Variants in LRTM3 observed in about 807,000 individuals in gnomAD.
The protein encoded by LRTM3 is leucine rich repeat transmembrane protein 3.
chr13:102,753,941 T>G, the LRTM3 span, among the ~76,000 whole-genome samples: 2 of 152,096 alleles, frequency 1.3e-5, no homozygotes, highest in African/African-American at 4.8e-5. Context: ...CTGGGCGGGG[T>G]GGCTCACGCC....
the LRTM3 span, chr13:102,729,636 G>A: frequency 1.9e-6 from 3 of 1,549,696 alleles, no homozygotes; most frequent in South Asian, 3.6e-5. Context: ...GAGTCTGCCG[G>A]TACACAGGCA....
the LRTM3 span, chr13:102,730,091 G>C: frequency 6.4e-7 from 1 of 1,550,762 alleles, no homozygotes; most frequent in Non-Finnish European, 8.7e-7. Context: ...TTTGGAAGAT[G>C]ATCTATATTT....
At chr13:102,745,246 T>C in the LRTM3 span, 1 of 1,550,918 alleles carries the variant, frequency 6.4e-7, no homozygotes, top group Non-Finnish European at 8.7e-7. Flanking sequence ...CCTGTTTCCT[T>C]TCTTCTTGCT....
the LRTM3 span, chr13:102,738,793 A>T: frequency 6.5e-7 from 1 of 1,550,312 alleles, no homozygotes; most frequent in Non-Finnish European, 8.7e-7. Flanking sequence ...GTTTGCTCCA[A>T]ATCTCAACTT....
At chr13:102,745,730 G>T in the LRTM3 span, 7 of 1,551,116 alleles carry the variant, frequency 4.5e-6, no homozygotes, top group Non-Finnish European at 6.1e-6. Context: ...AGAATCAGAT[G>T]AGATACCACC....
chr13:102,747,725 C>T, the LRTM3 span: 18 of 1,551,132 alleles, frequency 1.2e-5, no homozygotes, highest in African/African-American at 1.2e-4. Context: ...GTCTGTAGGT[C>T]TATCTGTGCT....
At chr13:102,753,496 A>T in the LRTM3 span, among the ~76,000 whole-genome samples, 45 of 33,512 alleles carry the variant, frequency 1.3e-3, no homozygotes, top group African/African-American at 1.9e-3. Flanking sequence ...AGTAAAATTA[A>T]AAAAAAAAAA....
At chr13:102,733,090 A>C in the LRTM3 span, 3 of 1,551,388 alleles carry the variant, frequency 1.9e-6, no homozygotes, top group Non-Finnish European at 2.6e-6. Context: ...TCTTGTCCAC[A>C]TCTGTTTCCG....
chr13:102,754,080 C>T, the LRTM3 span, among the ~76,000 whole-genome samples: 1 of 151,950 alleles, frequency 6.6e-6, no homozygotes, highest in East Asian at 1.9e-4. Flanking sequence ...GTGGCATGCA[C>T]CTGTAGACCC....
At chr13:102,733,005 C>G in the LRTM3 span, 11 of 1,551,306 alleles carry the variant, frequency 7.1e-6, no homozygotes, top group Admixed American at 1.6e-4. Context: ...TTCCTTCCCC[C>G]TTTTGCAGGG....
chr13:102,736,487 G>GT, the LRTM3 span: 1 of 1,551,100 alleles, frequency 6.4e-7, no homozygotes, highest in Non-Finnish European at 8.7e-7. Flanking sequence ...TGTAGGTGCT[G>GT]TTTGCCTTGA....
At chr13:102,730,530 G>A in the LRTM3 span, 1 of 1,551,492 alleles carries the variant, frequency 6.4e-7, no homozygotes, top group Non-Finnish European at 8.7e-7. Context: ...GGAGTCACAT[G>A]GAATTCTGAC....
the LRTM3 span, chr13:102,733,704 C>T: frequency 6.4e-7 from 1 of 1,551,306 alleles, no homozygotes; most frequent in South Asian, 1.2e-5. Context: ...GTACCAAACC[C>T]TGTGAAATAA....
chr13:102,736,710 T>C, the LRTM3 span: 1 of 1,550,402 alleles, frequency 6.4e-7, no homozygotes, highest in East Asian at 2.4e-5. Context: ...GTTTTTAGTA[T>C]ATGGGAAAGG....
chr13:102,744,070 A>G, the LRTM3 span: 2 of 1,550,632 alleles, frequency 1.3e-6, no homozygotes, highest in Admixed American at 3.9e-5. Flanking sequence ...TAGCATATTC[A>G]GTGGCACTGA....
the LRTM3 span, chr13:102,729,487 C>T: frequency 7.8e-5 from 114 of 1,459,416 alleles, no homozygotes; most frequent in Non-Finnish European, 9.5e-5. Flanking sequence ...ACCCCGAGAG[C>T]GACCCCAACA....
the LRTM3 span, chr13:102,737,483 T>C: frequency 3.3e-5 from 51 of 1,550,466 alleles, no homozygotes; most frequent in Admixed American, 1.0e-3. Context: ...TTGCTGTTGC[T>C]CTTCAGTTTC....
At chr13:102,731,580 C>T in the LRTM3 span, 2 of 1,551,320 alleles carry the variant, frequency 1.3e-6, no homozygotes, top group Non-Finnish European at 8.7e-7. Context: ...GGCTTATAGG[C>T]TTGTATGTTA....
the LRTM3 span, chr13:102,733,954 A>G: frequency 1.4e-4 from 217 of 1,551,206 alleles, no homozygotes; most frequent in Non-Finnish European, 1.7e-4. Context: ...GCTGTGGACA[A>G]GATGATCCTG....
Sources: allele counts gnomAD v4.1 joint callset (sites outside exome capture counted in the v4.1 genomes callset), GRCh38; gene constraint gnomAD v4.1.1; transcripts MANE v1.5; gene names NCBI Gene and HGNC (gene_info 2026-07-23, HGNC 2026-07-21).